TENM3: variants seen among roughly 807,000 people sequenced by gnomAD.
The protein encoded by TENM3 is teneurin transmembrane protein 3, also known as teneurin-3.
In TENM3, 63 loss-of-function variants were observed where a neutral mutation model predicts 255.1. That is an observed-to-expected ratio of 0.25 (90% CI 0.20 to 0.30). The LOEUF (loss-of-function observed/expected upper bound fraction) is 0.30. TENM3 is among the 10% of genes least tolerant of loss of function. TENM3 has a pLI of 1.00. For missense variants in TENM3, 2,929 were observed against 3,461.1 expected, an observed-to-expected ratio of 0.85 and a Z score of 3.86; for synonymous variants, 1,306 against 1,322.3, an observed-to-expected ratio of 0.99 and a Z score of 0.27.
At chr4:181,779,744 C>A in the TENM3 span, among the ~76,000 whole-genome samples, 1 of 152,018 alleles carries the variant, frequency 6.6e-6, no homozygotes, top group Non-Finnish European at 1.5e-5. Flanking sequence ...CCCATTAACT[C>A]GTCATTTACA....
At chr4:182,148,655 T>C (rs1315217269) in intron 1 of TENM3, among the ~76,000 whole-genome samples, 1 of 152,074 alleles carries the variant, frequency 6.6e-6, no homozygotes, top group Non-Finnish European at 1.5e-5. Context: ...TGTGCATGTG[T>C]TATAACTTTA....
chr4:182,659,683 G>A (rs894620623), intron 6 of TENM3, among the ~76,000 whole-genome samples: 1 of 152,138 alleles, frequency 6.6e-6, no homozygotes, highest in Non-Finnish European at 1.5e-5. Flanking sequence ...TTTTCTCTCA[G>A]CTGGATATGG....
At chr4:181,912,096 C>T in the TENM3 span, among the ~76,000 whole-genome samples, 1 of 152,138 alleles carries the variant, frequency 6.6e-6, no homozygotes, top group Non-Finnish European at 1.5e-5. Flanking sequence ...TGGGGTGGGC[C>T]AGGGCCACAA....
chr4:182,410,564 T>A (rs1561418262), intron 3 of TENM3, among the ~76,000 whole-genome samples: 1 of 152,214 alleles, frequency 6.6e-6, no homozygotes, highest in Non-Finnish European at 1.5e-5. Context: ...TAAAATAATT[T>A]GGGGCTTTCC....
At chr4:182,710,368 T>C (rs1031539953) in intron 12 of TENM3, among the ~76,000 whole-genome samples, 1 of 152,236 alleles carries the variant, frequency 6.6e-6, no homozygotes, top group Non-Finnish European at 1.5e-5. Flanking sequence ...TATGCAGTAA[T>C]ACATTTTTAT....
the TENM3 span, among the ~76,000 whole-genome samples, chr4:182,114,075 T>G: frequency 2.0e-5 from 3 of 152,322 alleles, no homozygotes; most frequent in African/African-American, 4.8e-5. Flanking sequence ...TTAATATTTT[T>G]GGGATCAGCT....
chr4:182,228,010 T>A (rs1579807081), intron 1 of TENM3, among the ~76,000 whole-genome samples: 1 of 152,194 alleles, frequency 6.6e-6, no homozygotes, highest in African/African-American at 2.4e-5. Flanking sequence ...TCCCTCATAT[T>A]TGGAGTGTTT....
rs1248161703 is a variant in TENM3 at position 182,792,558 on chromosome 4, T to C, written c.5886T>C (p.Asp1962=). 13 of 1,613,904 alleles carry C rather than the reference T, an allele frequency of 8.1e-6. No individual in the cohort carries two copies. The highest frequency in any genetic ancestry group is 1.1e-5 in the Non-Finnish European group (13 of 1,179,902). Residue 1962 remains aspartate (D), a synonymous_variant, in exon 26 of 28, where the codon GAT becomes GAC. Coordinates refer to ENST00000511685, the MANE Select transcript of TENM3 (RefSeq NM_001080477.4). The surrounding 1 kb of genome is among the most constrained non-coding windows in gnomAD (Gnocchi z 6.3). Reference sequence around the variant, plus strand: ...CTAGGCTCTCAGAAATTTTATATGATAGCACAAGAGTCAGTTTTACCTATG... The same window carrying C: ...CTAGGCTCTCAGAAATTTTATATGACAGCACAAGAGTCAGTTTTACCTATG... The part of the protein sequence containing the change: ...RQTRLSEILY[D]STRVSFTYDE...
the TENM3 span, among the ~76,000 whole-genome samples, chr4:181,631,860 C>T: frequency 6.6e-6 from 1 of 152,164 alleles, no homozygotes; most frequent in African/African-American, 2.4e-5. Context: ...AAAAGTGTGG[C>T]ATTCACTGCT....
chr4:181,565,844 T>A, the TENM3 span, among the ~76,000 whole-genome samples: 1 of 152,210 alleles, frequency 6.6e-6, no homozygotes, highest in Admixed American at 6.5e-5. Context: ...ATCCTATGAT[T>A]TATGGAAAGG....
the TENM3 span, among the ~76,000 whole-genome samples, chr4:181,490,183 CTT>C: frequency 1.3e-5 from 2 of 152,200 alleles, no homozygotes; most frequent in African/African-American, 2.4e-5. Flanking sequence ...TAATTTCACT[CTT>C]TTCGTTATTT....
chr4:182,009,374 TA>T, the TENM3 span, among the ~76,000 whole-genome samples: 1 of 152,088 alleles, frequency 6.6e-6, no homozygotes, highest in African/African-American at 2.4e-5. Context: ...CCCCTCCCCC[TA>T]GGGCCTCAGG....
the TENM3 span, among the ~76,000 whole-genome samples, chr4:181,914,740 G>A: frequency 4.8e-4 from 73 of 152,262 alleles, no homozygotes; most frequent in African/African-American, 1.5e-3. Context: ...GCTACATCCC[G>A]AAGAAGACAG....
chr4:181,574,275 T>G, the TENM3 span, among the ~76,000 whole-genome samples: 1 of 152,144 alleles, frequency 6.6e-6, no homozygotes, highest in Non-Finnish European at 1.5e-5. Context: ...CTCACGCCTG[T>G]AATCCCAGCA....
intron 1 of TENM3, among the ~76,000 whole-genome samples, chr4:182,318,690 T>A (rs1449767977): frequency 1.3e-5 from 2 of 152,170 alleles, no homozygotes; most frequent in Non-Finnish European, 2.9e-5. Context: ...GAGTTGCGTT[T>A]CAAGGAGCTA....
the TENM3 span, among the ~76,000 whole-genome samples, chr4:182,069,376 C>T: frequency 6.6e-6 from 1 of 152,138 alleles, no homozygotes; most frequent in African/African-American, 2.4e-5. Flanking sequence ...TCAGTACCCT[C>T]TTCCTTGGGC....
the TENM3 span, among the ~76,000 whole-genome samples, chr4:181,919,434 G>A: frequency 1.3e-5 from 2 of 149,648 alleles, no homozygotes; most frequent in Non-Finnish European, 2.9e-5. Context: ...ATTAGAAAAA[G>A]ATTGGAGGTT....
intron 12 of TENM3, among the ~76,000 whole-genome samples, chr4:182,712,203 C>T (rs1758799060): frequency 6.6e-6 from 1 of 152,142 alleles, no homozygotes; most frequent in African/African-American, 2.4e-5. Context: ...AGCAGATTCT[C>T]ACATCTTCAG....
At chr4:182,377,233 C>T (rs529833945) in intron 3 of TENM3, among the ~76,000 whole-genome samples, 2 of 152,308 alleles carry the variant, frequency 1.3e-5, no homozygotes, top group East Asian at 3.9e-4. Context: ...ATTTGCAAAA[C>T]TTTTCAAACT....
Sources: allele counts gnomAD v4.1 joint callset (sites outside exome capture counted in the v4.1 genomes callset), GRCh38; gene constraint gnomAD v4.1.1; non-coding constraint Gnocchi (gnomAD v3.1); transcripts MANE v1.5; gene names NCBI Gene and HGNC (gene_info 2026-07-23, HGNC 2026-07-21).